USP50: variants seen among roughly 807,000 people sequenced by gnomAD.
USP50 encodes ubiquitin specific peptidase 50.
Under a neutral mutation model 39.2 loss-of-function variants are expected in USP50, and 37 were observed. The observed-to-expected ratio is 0.94, with a 90% CI of 0.73 to 1.24. The LOEUF is 1.24. Among genes scored for constraint, USP50 ranks in the 50% most tolerant of loss-of-function variants. The pLI is 0.00. For missense variants in USP50, 374 were observed against 398.2 expected (o/e 0.94, Z 0.52); for synonymous variants, 139 against 144.5 (o/e 0.96, Z 0.27).
chr15:50,527,801 A>AT (rs916307358), intron 6 of USP50, among the ~76,000 whole-genome samples: 1 of 149,792 alleles, frequency 6.7e-6, no homozygotes, highest in Non-Finnish European at 1.5e-5. Context: ...CACCCAGCTA[A>AT]TTTTTTTGTA....
At chr15:50,493,636 TTGGGAGGCTAAGG>T (rs1273105386), downstream of USP50, 1 of 387,174 alleles carries the variant, frequency 2.6e-6, no homozygotes, top group East Asian at 6.8e-5. Flanking sequence ...TCCCTGCTAC[TTGGGAGGCTAAGG>T]TGGGAGGATC....
At chr15:50,532,523 G>T (rs559352678) in intron 5 of USP50, among the ~76,000 whole-genome samples, 27 of 151,672 alleles carry the variant, frequency 1.8e-4, no homozygotes, top group Admixed American at 1.6e-3. Flanking sequence ...CTCCCCCTCC[G>T]CCTTACCACC....
chr15:50,545,694 A>AAC (rs201737138), intron 1 of USP50, among the ~76,000 whole-genome samples: 6 of 151,430 alleles, frequency 4.0e-5, no homozygotes, highest in South Asian at 4.2e-4. Context: ...TATACATATA[A>AAC]ACACACACAC....
intron 4 of USP50, among the ~76,000 whole-genome samples, 182 bp downstream of exon 4, chr15:50,540,867 G>T (rs2003360): frequency 6.6e-6 from 1 of 151,934 alleles, no homozygotes; most frequent in Non-Finnish European, 1.5e-5. Flanking sequence ...CAGGTGATCC[G>T]CCTGCCTTGG....
chr15:50,509,098 G>C (rs1472635075), intron 6 of USP50: 1 of 120,104 alleles, frequency 8.3e-6, no homozygotes, highest in Non-Finnish European at 1.6e-5. Context: ...GCGCCACTGT[G>C]CTCCAGCCTG....
rs190911820 is a variant in USP50 at position 50,518,381 on chromosome 15, C to T, written c.936+11416G>A. Reference sequence around the variant, plus strand: ...GGCTACAGGCACCCACCACCACGCCCGGCTAATTTTTTTTTATATTTTTAG... The same window carrying T: ...GGCTACAGGCACCCACCACCACGCCTGGCTAATTTTTTTTTATATTTTTAG... On this transcript the variant is annotated intron_variant, in intron 6 of 6. Transcript: ENST00000532404. Among the ~76,000 whole-genome samples the T allele has an allele frequency of 3.1e-3, 463 of 151,794 alleles. 1 individual carries two copies. In the Middle Eastern group the frequency reaches 0.034, roughly 11 times the overall value.
At chr15:50,526,541 A>T (rs764574544) in intron 6 of USP50, among the ~76,000 whole-genome samples, 4 of 152,228 alleles carry the variant, frequency 2.6e-5, no homozygotes, top group Non-Finnish European at 4.4e-5. Context: ...TTGAAGGAAC[A>T]TGTATAAGAA....
chr15:50,543,588 C>T lies in USP50; in HGVS notation c.444+10G>A, dbSNP rs748413700. ...GACTATCCTATTTCAAGGTCATTAA[C>T]TCTACTTACCTTTTTTAGAGCTTCA... On this transcript the variant is annotated intron_variant, in intron 3 of 6. Coordinates refer to ENST00000532404, the MANE Select transcript of USP50 (RefSeq NM_203494.5). 2.5e-6 allele frequency: 4 copies of T among 1,608,980 alleles called. No individual in the cohort carries two copies. In the African/African-American group the frequency reaches 4.0e-5, roughly 16 times the overall value.
At chr15:50,522,249 A>G (rs996396537) in intron 6 of USP50, among the ~76,000 whole-genome samples, 3 of 151,800 alleles carry the variant, frequency 2.0e-5, no homozygotes, top group Non-Finnish European at 4.4e-5. Flanking sequence ...ATATAGTGAG[A>G]CCCCATCTCT....
At chr15:50,496,936 C>T, downstream of USP50, 1 of 919,010 alleles carries the variant, frequency 1.1e-6, no homozygotes. Context: ...CTATGCTTCT[C>T]ACTAGATCAC....
At chr15:50,499,389 T>C (rs370494701), downstream of USP50, 2 of 56,440 alleles carry the variant, frequency 3.5e-5, no homozygotes, top group Admixed American at 2.9e-4. Flanking sequence ...TATTGTTATC[T>C]TTTTTTTTTC....
intron 4 of USP50, among the ~76,000 whole-genome samples, chr15:50,539,457 C>T (rs1274132157): frequency 2.0e-5 from 3 of 148,356 alleles, no homozygotes; most frequent in Non-Finnish European, 3.0e-5. Context: ...CTCCCTCTGT[C>T]GCCAGGCTGA....
chr15:50,540,103 G>A (rs1484958789), intron 4 of USP50, among the ~76,000 whole-genome samples: 3 of 152,152 alleles, frequency 2.0e-5, no homozygotes, highest in Non-Finnish European at 2.9e-5. Flanking sequence ...ATGTGCTTTC[G>A]TAATTTAGGA....
At chr15:50,500,882 C>G (rs373978414) in intron 6 of USP50, 45 bp from the exon 7 acceptor site, 41 of 1,446,892 alleles carry the variant, frequency 2.8e-5, no homozygotes, top group Non-Finnish European at 6.7e-6. Context: ...CATATGAACA[C>G]TAACTACTGG....
intron 5 of USP50, 35 bp downstream of exon 5, chr15:50,538,674 A>C: frequency 6.5e-7 from 1 of 1,539,968 alleles, no homozygotes; most frequent in Non-Finnish European, 8.8e-7. Flanking sequence ...AGGCTGTTCG[A>C]AAATATGTGC....
At chr15:50,535,765 A>C (rs1174290056) in intron 5 of USP50, among the ~76,000 whole-genome samples, 1 of 152,182 alleles carries the variant, frequency 6.6e-6, no homozygotes, top group Non-Finnish European at 1.5e-5. Context: ...AAATTTTAAA[A>C]ATTAGCTGGG....
intron 6 of USP50, chr15:50,513,435 C>T (rs1379215379): frequency 6.7e-6 from 1 of 150,178 alleles, no homozygotes; most frequent in Admixed American, 6.7e-5. Context: ...CGCGGTAGCT[C>T]ACACCTGTAA....
chr15:50,514,047 G>A (rs150527888), intron 6 of USP50: 3 of 152,278 alleles, frequency 2.0e-5, no homozygotes, highest in African/African-American at 7.2e-5. Flanking sequence ...TTACTAAATT[G>A]TAGTATTTTC....
At chr15:50,509,013 A>G (rs1477646576) in intron 6 of USP50, 1 of 147,990 alleles carries the variant, frequency 6.8e-6, no homozygotes, top group East Asian at 2.0e-4. Flanking sequence ...GGGCGCCTGT[A>G]GTCCCAGCTA....
Sources: gnomAD v4.1 joint callset for allele counts (sites outside exome capture counted in the v4.1 genomes callset) on GRCh38, gnomAD v4.1.1 for gene constraint, MANE v1.5 for transcripts, NCBI Gene and HGNC (gene_info 2026-07-23, HGNC 2026-07-21) for gene names.